Variants in DNAAF4 observed in about 807,000 individuals in gnomAD.
The protein encoded by DNAAF4 is dynein assembly factor 4, axonemal.
DNAAF4 carries 43 observed loss-of-function variants against 51.8 expected under a neutral mutation model. The observed-to-expected ratio is 0.83, with a 90% confidence interval of 0.65 to 1.07. The LOEUF is 1.07. DNAAF4 is among the 50% of genes least tolerant of loss of function. DNAAF4 has a pLI of 0.00. For missense variants in DNAAF4, 581 were observed against 493.0 expected, an observed-to-expected ratio of 1.18 and a Z score of -1.69; for synonymous variants, 194 against 165.6, an observed-to-expected ratio of 1.17 and a Z score of -1.32.
chr15:55,460,990 C>T (rs1246697966), intron 5 of DNAAF4, among the ~76,000 whole-genome samples: 4 of 152,064 alleles, frequency 2.6e-5, no homozygotes, highest in Non-Finnish European at 5.9e-5. Context: ...GTCTCAAACT[C>T]CTGACCTCAG....
intron 8 of DNAAF4, among the ~76,000 whole-genome samples, chr15:55,433,914 T>A (rs1215328531): frequency 5.3e-4 from 10 of 19,012 alleles, no homozygotes; most frequent in African/African-American, 1.5e-3. Flanking sequence ...TTATATATAA[T>A]TATATATATT....
chr15:55,430,756 G>GT lies in DNAAF4; in HGVS notation c.1176dup (p.Leu393ThrfsTer2). 4 of 1,613,220 alleles carry GT rather than the reference G, an allele frequency of 2.5e-6. No individual in the cohort carries two copies. Among genetic ancestry groups the GT allele is most frequent in the Non-Finnish European group, 2.5e-6 (3 of 1,179,534 alleles). On this transcript the variant is annotated frameshift_variant, in exon 10 of 10. Transcript: ENST00000321149. LOFTEE classifies it high-confidence loss of function. ...ATTTTGTTGGATGGATCAATCTTAA[G>GT]TGCCGCTTCATAATCCTGTAGGCCT...
At chr15:55,448,002 A>T (rs2057865994) in intron 6 of DNAAF4, among the ~76,000 whole-genome samples, 1 of 152,054 alleles carries the variant, frequency 6.6e-6, no homozygotes, top group African/African-American at 2.4e-5. Flanking sequence ...TTTCAAAGAG[A>T]ATGCTTCCAG....
At chr15:55,472,694 T>A (rs545061210) in intron 4 of DNAAF4, among the ~76,000 whole-genome samples, 5 of 152,112 alleles carry the variant, frequency 3.3e-5, no homozygotes, top group Non-Finnish European at 5.9e-5. Context: ...AGGTTATTAG[T>A]TTAATGCAGA....
intron 6 of DNAAF4, among the ~76,000 whole-genome samples, chr15:55,444,668 C>G (rs554059441): frequency 6.6e-5 from 10 of 152,174 alleles, no homozygotes; most frequent in Non-Finnish European, 1.5e-4. Flanking sequence ...TTGATTCTTT[C>G]TATCCATGAG....
At chr15:55,477,864 G>C (rs2058357169) in intron 4 of DNAAF4, among the ~76,000 whole-genome samples, 2 of 150,206 alleles carry the variant, frequency 1.3e-5, no homozygotes, top group African/African-American at 4.9e-5. Flanking sequence ...TCAGGAATTT[G>C]AGATCCATCT....
rs2057477044 is a variant in DNAAF4 at position 55,430,616 on chromosome 15, C to T, written c.*54G>A. 3 of 1,576,252 alleles carry T rather than the reference C, an allele frequency of 1.9e-6. No individual in the cohort carries two copies. The highest frequency in any genetic ancestry group is 2.3e-5 in the South Asian group (2 of 86,784). Reference sequence around the variant, plus strand: ...ACTGGCCATAATATGTACAAAGATGCCTCCAGTTGTTTTTAAAAAACTTAT... The same window carrying T: ...ACTGGCCATAATATGTACAAAGATGTCTCCAGTTGTTTTTAAAAAACTTAT... On this transcript the variant is annotated 3_prime_UTR_variant, in exon 10 of 10. Transcript: ENST00000321149.
At chr15:55,490,799 A>C (rs192071791) in intron 4 of DNAAF4, among the ~76,000 whole-genome samples, 15 of 152,134 alleles carry the variant, frequency 9.9e-5, no homozygotes, top group African/African-American at 3.4e-4. Context: ...TAAAAACACA[A>C]AAAAATTAGC....
chr15:55,425,769 C>G (rs547783961), downstream of DNAAF4, among the ~76,000 whole-genome samples: 79 of 152,064 alleles, frequency 5.2e-4, no homozygotes, highest in Non-Finnish European at 1.3e-4. Context: ...AGGACAGAAC[C>G]CTTTTGCTTG....
intron 1 of DNAAF4, 133 bp from the exon 2 acceptor site, chr15:55,498,717 C>A: frequency 6.1e-6 from 1 of 164,834 alleles, no homozygotes; most frequent in Non-Finnish European, 1.3e-5. Context: ...ACCAGCCTGA[C>A]CAACATGGAG....
chr15:55,424,576 G>A (rs545215311), intron 7 of DNAAF4, among the ~76,000 whole-genome samples: 9 of 152,174 alleles, frequency 5.9e-5, no homozygotes, highest in Middle Eastern at 6.8e-3. Context: ...TTTTTGACTA[G>A]GCCCCATCCT....
chr15:55,426,646 C>T (rs10450983), downstream of DNAAF4, among the ~76,000 whole-genome samples: 16,384 of 152,164 alleles, frequency 0.11, 1,272 homozygotes, highest in African/African-American at 0.21. Flanking sequence ...TCTCGAACCC[C>T]TGACCTCAGG....
At chr15:55,480,601 T>C (rs11854474) in intron 4 of DNAAF4, among the ~76,000 whole-genome samples, 7,399 of 151,896 alleles carry the variant, frequency 0.049, 242 homozygotes, top group Non-Finnish European at 0.068. Context: ...AGTCTCTCAT[T>C]ATACCTTTAA....
At chr15:55,445,889 A>G (rs1473984572) in intron 6 of DNAAF4, among the ~76,000 whole-genome samples, 6 of 108,880 alleles carry the variant, frequency 5.5e-5, no homozygotes, top group South Asian at 3.5e-4. Context: ...CAGATGCGGC[A>G]GCCAGGCAGA....
intron 7 of DNAAF4, 58 bp downstream of exon 7, chr15:55,439,414 A>G (rs557005075): frequency 2.1e-6 from 3 of 1,443,734 alleles, no homozygotes; most frequent in African/African-American, 2.8e-5. Context: ...TCGTCCTATG[A>G]TAACTGCTAA....
At chr15:55,448,616 T>A (rs2057880051) in intron 6 of DNAAF4, among the ~76,000 whole-genome samples, 1 of 147,740 alleles carries the variant, frequency 6.8e-6, no homozygotes. Flanking sequence ...ACACCTGTAA[T>A]CCCAGCACTT....
At chr15:55,444,686 T>C (rs2057768121) in intron 6 of DNAAF4, among the ~76,000 whole-genome samples, 1 of 152,108 alleles carries the variant, frequency 6.6e-6, no homozygotes, top group Non-Finnish European at 1.5e-5. Flanking sequence ...GAGCTTGGAA[T>C]GTTCTTCCAT....
At chr15:55,447,330 G>A (rs564823846) in intron 6 of DNAAF4, among the ~76,000 whole-genome samples, 5 of 151,814 alleles carry the variant, frequency 3.3e-5, no homozygotes, top group East Asian at 2.0e-4. Context: ...CATCCCAGAC[G>A]ATGGGCGGCC....
At chr15:55,445,895 G>A (rs1418294645) in intron 6 of DNAAF4, among the ~76,000 whole-genome samples, 3 of 144,742 alleles carry the variant, frequency 2.1e-5, no homozygotes, top group African/African-American at 7.7e-5. Flanking sequence ...CGGCAGCCAG[G>A]CAGAGGTGCT....
Sources: gnomAD v4.1 joint callset for allele counts (sites outside exome capture counted in the v4.1 genomes callset) on GRCh38, gnomAD v4.1.1 for gene constraint, MANE v1.5 for transcripts, NCBI Gene and HGNC (gene_info 2026-07-23, HGNC 2026-07-21) for gene names.